Variants in FAM193B observed in about 807,000 individuals in gnomAD.
FAM193B encodes the protein family with sequence similarity 193 member B, also known as protein FAM193B.
In FAM193B, 27 loss-of-function variants were observed where a neutral mutation model predicts 70.7. The ratio of observed to expected loss-of-function variants is 0.38; its 90% confidence interval spans 0.28 to 0.53. FAM193B has a LOEUF of 0.53. Among genes scored for constraint, FAM193B ranks in the 20% least tolerant of loss-of-function variants. The pLI is 0.81. For missense variants in FAM193B, 1,022 were observed against 1,072.5 expected, an observed-to-expected ratio of 0.95 and a Z score of 0.66; for synonymous variants, 448 against 436.0, an observed-to-expected ratio of 1.03 and a Z score of -0.34.
chr5:177,526,601 C>A (rs940842056), intron 5 of FAM193B, among the ~76,000 whole-genome samples: 4 of 152,182 alleles, frequency 2.6e-5, no homozygotes, highest in Non-Finnish European at 5.9e-5. Flanking sequence ...CTCTGGAAGC[C>A]AGAGGAGAAA....
At chr5:177,546,902 C>T (rs1036941501) in intron 1 of FAM193B, among the ~76,000 whole-genome samples, 7 of 152,160 alleles carry the variant, frequency 4.6e-5, no homozygotes, top group Admixed American at 2.6e-4. Flanking sequence ...ACAAGGAGGG[C>T]CCAAGCCGCA....
chr5:177,521,952 G>A (rs1166524871), intron 8 of FAM193B, 22 bp downstream of exon 8: 3 of 1,592,880 alleles, frequency 1.9e-6, no homozygotes, highest in African/African-American at 1.3e-5. Flanking sequence ...GGCAGTGGAT[G>A]TAACTCTTGG....
intron 1 of FAM193B, among the ~76,000 whole-genome samples, chr5:177,551,262 GTTCT>G (rs764278797): frequency 5.0e-5 from 2 of 39,934 alleles, no homozygotes; most frequent in Non-Finnish European, 9.4e-5. Flanking sequence ...TTTTTCAGTT[GTTCT>G]TTATTTTTTT....
intron 7 of FAM193B, 40 bp from the exon 8 acceptor site, chr5:177,522,111 G>A (rs1420526613): frequency 2.6e-6 from 4 of 1,545,456 alleles, no homozygotes; most frequent in Non-Finnish European, 3.6e-6. Context: ...ACAATCAGAG[G>A]TTCATTCTTT....
At chr5:177,553,395 G>C in intron 1 of FAM193B, 3 of 1,009,116 alleles carry the variant, frequency 3.0e-6, no homozygotes, top group Non-Finnish European at 3.6e-6. Context: ...TCTTTTGTCA[G>C]AGCAAGCTTA....
chr5:177,536,565 G>T lies in FAM193B; in HGVS notation c.869C>A (p.Ala290Asp). 1 of 1,540,378 alleles carries T rather than the reference G, an allele frequency of 6.5e-7. No homozygotes were observed. Among genetic ancestry groups the T allele is most frequent in the Non-Finnish European group, 8.7e-7 (1 of 1,150,776 alleles). ...TTPAAPFPAQ[A>D]SECPVAAATA... is the part of the protein sequence containing the mutation. The stretch of plus-strand genomic sequence containing the variant: ...GGCAGCAGCAACAGGGCACTCTGAA[G>T]CCTGGGCAGGGAAAGGTGCTGCCGG... Residue 290 changes from alanine (A) to aspartate (D), a missense_variant, in exon 4 of 9, where the codon GCT becomes GAT. Coordinates refer to ENST00000514747, the MANE Select transcript of FAM193B (RefSeq NM_001190946.3).
intron 5 of FAM193B, among the ~76,000 whole-genome samples, chr5:177,529,963 G>A (rs1280981927): frequency 6.6e-6 from 1 of 152,190 alleles, no homozygotes; most frequent in Non-Finnish European, 1.5e-5. Flanking sequence ...TGTCCTTGGG[G>A]CTGAAAAAGG....
At position 177,538,084 on chromosome 5, in the gene FAM193B, G is replaced by A; in HGVS notation, c.477C>T (p.Cys159=). The A allele has an allele frequency of 6.5e-7, 1 of 1,546,904 alleles. No homozygotes were observed. The highest frequency in any genetic ancestry group is 2.5e-5 in the East Asian group (1 of 40,768). Residue 159 remains cysteine (C), a synonymous_variant, in exon 3 of 9, where the codon TGC becomes TGT. Coordinates refer to ENST00000514747, the MANE Select transcript of FAM193B (RefSeq NM_001190946.3). The surrounding 1 kb of genome is among the most constrained non-coding windows in gnomAD (Gnocchi z 4.1). ...AGTCATCTCCACAAGACTGTGATTT[G>A]CAGGATGTGTGTGACAAGGAGATCT... The part of the protein sequence containing the change: ...AVAISLSHTS[C]KSQSCGDDSH...
chr5:177,553,748 T>C (rs888760389), intron 1 of FAM193B: 9 of 1,287,630 alleles, frequency 7.0e-6, no homozygotes, highest in Non-Finnish European at 5.1e-6. Context: ...CTCTGCTGGG[T>C]ATGGCGAGGA....
chr5:177,528,672 G>A lies in FAM193B; in HGVS notation c.1276-3467C>T, dbSNP rs369139059. Among the ~76,000 whole-genome samples, 3 of 152,350 alleles carry A rather than the reference G, an allele frequency of 2.0e-5. No individual in the cohort carries two copies. In the East Asian group the frequency reaches 5.8e-4, roughly 29 times the overall value. On this transcript the variant is annotated intron_variant, in intron 5 of 8. Coordinates refer to ENST00000514747, the MANE Select transcript of FAM193B (RefSeq NM_001190946.3). Reference sequence around the variant, plus strand: ...TTTTTTCCTCATTGAAATAAAAAGTGAGGCTATTTGCCAAAAAATAAGGTG... The same window carrying A: ...TTTTTTCCTCATTGAAATAAAAAGTAAGGCTATTTGCCAAAAAATAAGGTG...
intron 1 of FAM193B, among the ~76,000 whole-genome samples, chr5:177,539,804 A>G (rs1425293040): frequency 6.6e-6 from 1 of 152,158 alleles, no homozygotes; most frequent in Non-Finnish European, 1.5e-5. Context: ...TATGCATTCT[A>G]ATTCCTGCCT....
chr5:177,531,284 T>C, intron 5 of FAM193B: 1 of 1,313,996 alleles, frequency 7.6e-7, no homozygotes, highest in Non-Finnish European at 1.0e-6. Context: ...ACACCCACCT[T>C]CTTTTTCAGC....
At chr5:177,533,514 C>G (rs2127465846) in intron 4 of FAM193B, among the ~76,000 whole-genome samples, 1 of 152,242 alleles carries the variant, frequency 6.6e-6, no homozygotes, top group East Asian at 1.9e-4. Context: ...ACCATGTTAG[C>G]CAGGATGGTC....
chr5:177,553,787 G>C (rs1046837718), intron 1 of FAM193B: 1 of 1,287,110 alleles, frequency 7.8e-7, no homozygotes, highest in Non-Finnish European at 1.0e-6. Flanking sequence ...TGCTGAGGGG[G>C]CCGCGGCTGC....
rs941133578 is a variant in FAM193B, at chr5:177,554,236, C to T, written c.210+13G>A. 5 of 1,486,722 alleles carry T rather than the reference C, an allele frequency of 3.4e-6. No individual in the cohort carries two copies. The East Asian group carries it at 8.5e-5, about 25-fold the overall frequency. The allele number at this position is 1,486,722 out of a possible 1,614,324, so 92.1% of individuals were successfully genotyped here. A position where few individuals can be genotyped will look rare whatever the true frequency, so the allele number is the denominator to read the frequency against. On this transcript the variant is annotated intron_variant, in intron 1 of 8. Coordinates refer to ENST00000514747, the MANE Select transcript of FAM193B (RefSeq NM_001190946.3). The stretch of plus-strand genomic sequence containing the variant: ...AGCGCCCGAGCCGCCGAAGTCTCCC[C>T]GCTCGCTCCTACCTGCGGGCCGGGC...
intron 7 of FAM193B, 60 bp from the exon 8 acceptor site, chr5:177,522,131 G>C: frequency 7.5e-7 from 1 of 1,329,374 alleles, no homozygotes; most frequent in East Asian, 2.3e-5. Context: ...TTGCTCACTG[G>C]ACTCCTAAGG....
chr5:177,542,436 A>G (rs1764961176), intron 1 of FAM193B, among the ~76,000 whole-genome samples: 1 of 152,262 alleles, frequency 6.6e-6, no homozygotes, highest in East Asian at 1.9e-4. Flanking sequence ...AACACATGGT[A>G]TTCATCATTA....
intron 5 of FAM193B, chr5:177,531,777 C>T (rs1358265502): frequency 8.7e-6 from 7 of 800,466 alleles, no homozygotes; most frequent in Non-Finnish European, 1.2e-5. Flanking sequence ...GCCCGGGCTT[C>T]GTCACTGGGA....
intron 5 of FAM193B, among the ~76,000 whole-genome samples, chr5:177,528,175 T>C (rs972576866): frequency 1.3e-5 from 2 of 152,110 alleles, no homozygotes; most frequent in African/African-American, 4.8e-5. Context: ...AAAGACAATG[T>C]GTGAAAAGGA....
Sources: allele counts gnomAD v4.1 joint callset (sites outside exome capture counted in the v4.1 genomes callset), GRCh38; gene constraint gnomAD v4.1.1; non-coding constraint Gnocchi (gnomAD v3.1); transcripts MANE v1.5; gene names NCBI Gene and HGNC (gene_info 2026-07-23, HGNC 2026-07-21).